Variants in METTL16 observed in about 807,000 individuals in gnomAD.
METTL16 encodes methyltransferase 16, RNA N6-adenosine, also known as RNA N(6)-adenosine-methyltransferase METTL16.
In METTL16, 19 loss-of-function variants were observed where a neutral mutation model predicts 57.9. The observed-to-expected ratio is 0.33, with a 90% CI of 0.23 to 0.48. METTL16 has a LOEUF of 0.48. Ranked by LOEUF, METTL16 falls within the 20% of genes least tolerant of loss-of-function variation. The pLI is 0.99. For synonymous variants in METTL16, 246 were observed against 255.6 expected, an observed-to-expected ratio of 0.96 and a Z score of 0.36; for missense variants, 434 against 691.5, an observed-to-expected ratio of 0.63 and a Z score of 4.18.
In METTL16 at chr17:2,420,724, C is replaced by T. The variant is rs758720124; in HGVS notation, c.1062+7G>A. 4.7e-5 allele frequency: 76 copies of T among 1,610,462 alleles called. No individual in the cohort carries two copies. The highest frequency in any genetic ancestry group is 6.2e-5 in the Non-Finnish European group (73 of 1,178,762). ...TGAGTACTTCGTCAATATGGTTAAGCAGGTACCTTCAAATCAGTGAGAATT... is the reference window on the plus strand; with the variant it reads ...TGAGTACTTCGTCAATATGGTTAAGTAGGTACCTTCAAATCAGTGAGAATT... On this transcript the variant is annotated splice_region_variant and intron_variant, in intron 9 of 9. Coordinates refer to ENST00000263092, the MANE Select transcript of METTL16 (RefSeq NM_024086.4). The surrounding 1 kb of genome is among the most constrained non-coding windows in gnomAD (Gnocchi z 5.4).
rs199805199 is a variant in METTL16 at position 2,430,117 on chromosome 17, C to CT, written c.888+7991dup. Among the ~76,000 whole-genome samples, 705 of 151,848 alleles carry CT rather than the reference C, an allele frequency of 4.6e-3. 5 individuals are homozygous for CT. The highest frequency in any genetic ancestry group is 0.016 in the African/African-American group (673 of 41,384). ...ACATGAGCCACCTGCCCACTTCCCA[C>CT]TTTTTTTCTTTTTAAGACAAAGTCT... On this transcript the variant is annotated intron_variant, in intron 8 of 9. Transcript: ENST00000263092.
intron 6 of METTL16, among the ~76,000 whole-genome samples, chr17:2,453,621 G>C (rs1228363541): frequency 6.6e-6 from 1 of 152,174 alleles, no homozygotes; most frequent in Non-Finnish European, 1.5e-5. Context: ...CTCTGTAACT[G>C]TAAGTAACCT....
At chr17:2,431,910 C>G (rs146612569) in intron 8 of METTL16, among the ~76,000 whole-genome samples, 90 of 151,988 alleles carry the variant, frequency 5.9e-4, no homozygotes, top group Middle Eastern at 6.8e-3. Flanking sequence ...GAAATAACAA[C>G]AAGCTATCTT....
intron 6 of METTL16, among the ~76,000 whole-genome samples, chr17:2,452,917 G>A (rs912577707): frequency 6.6e-6 from 1 of 152,040 alleles, no homozygotes; most frequent in Admixed American, 6.6e-5. Flanking sequence ...CTGGAGTGCA[G>A]TGGTGCAATC....
At chr17:2,428,576 TA>T (rs2066841495) in intron 8 of METTL16, among the ~76,000 whole-genome samples, 2 of 32,048 alleles carry the variant, frequency 6.2e-5, no homozygotes, top group Non-Finnish European at 9.7e-5. Flanking sequence ...TATATATATA[TA>T]TATATATATA....
At chr17:2,430,413 T>C (rs938912464) in intron 8 of METTL16, among the ~76,000 whole-genome samples, 2 of 76,596 alleles carry the variant, frequency 2.6e-5, no homozygotes, top group African/African-American at 1.3e-4. Context: ...TAGAATTCTC[T>C]TTTTTTTTTT....
intron 6 of METTL16, among the ~76,000 whole-genome samples, chr17:2,447,921 C>A (rs1432601181): frequency 3.5e-5 from 3 of 86,358 alleles, no homozygotes; most frequent in Admixed American, 3.1e-4. Flanking sequence ...GCCCCCCGCC[C>A]GGCCAGCCGC....
At chr17:2,502,167 A>T in intron 2 of METTL16, 37 bp downstream of exon 2, 5 of 1,602,300 alleles carry the variant, frequency 3.1e-6, no homozygotes, top group Non-Finnish European at 4.3e-6. Flanking sequence ...CATTTGAATC[A>T]CACAAGAATA....
At chr17:2,438,493 AG>A in intron 7 of METTL16, among the ~76,000 whole-genome samples, 1 of 152,182 alleles carries the variant, frequency 6.6e-6, no homozygotes, top group South Asian at 2.1e-4. Flanking sequence ...ATATGACTCA[AG>A]TGAGTTTTTT....
intron 5 of METTL16, among the ~76,000 whole-genome samples, chr17:2,465,069 A>C (rs1296949827): frequency 6.6e-6 from 1 of 152,188 alleles, no homozygotes; most frequent in South Asian, 2.1e-4. Flanking sequence ...CTTAATAATA[A>C]AAACAAAAAC....
At chr17:2,506,100 T>C (rs577773864) in intron 1 of METTL16, among the ~76,000 whole-genome samples, 50 of 151,958 alleles carry the variant, frequency 3.3e-4, no homozygotes, top group African/African-American at 1.1e-3. Flanking sequence ...CCTATGCAGG[T>C]TATTCTTTTT....
intron 5 of METTL16, among the ~76,000 whole-genome samples, chr17:2,466,127 A>T (rs1265786997): frequency 7.0e-6 from 1 of 142,598 alleles, no homozygotes; most frequent in East Asian, 2.4e-4. Context: ...TGGGAGGTGG[A>T]GGTTGCAGTG....
At chr17:2,432,613 G>A (rs1016700121) in intron 8 of METTL16, among the ~76,000 whole-genome samples, 10 of 151,916 alleles carry the variant, frequency 6.6e-5, no homozygotes, top group South Asian at 2.1e-4. Flanking sequence ...TATATCCGAC[G>A]CTCACGGTCA....
At position 2,418,035 on chromosome 17, in the gene METTL16, G is replaced by A. The variant is rs1315164641; in HGVS notation, c.*1935C>T. 1.3e-5 allele frequency: 2 copies of A among 152,116 alleles called. No homozygotes were observed. Among genetic ancestry groups the A allele is most frequent in the Non-Finnish European group, 2.9e-5 (2 of 68,030 alleles). 9.4% of individuals were successfully genotyped at this position (152,116 alleles called of 1,614,324 possible). A position where few individuals can be genotyped will look rare whatever the true frequency, so the allele number is the denominator to read the frequency against. ...AAATTTCTAGACCAGGGGAATCCAC[G>A]GTCCTGAATTGAGTCTTGGCTCTGT... On this transcript the variant is annotated 3_prime_UTR_variant, in exon 10 of 10. Coordinates refer to ENST00000263092, the MANE Select transcript of METTL16 (RefSeq NM_024086.4).
chr17:2,473,067 A>T (rs2151567597), intron 4 of METTL16, among the ~76,000 whole-genome samples: 1 of 152,242 alleles, frequency 6.6e-6, no homozygotes, highest in South Asian at 2.1e-4. Context: ...GGATGCTGAT[A>T]ATGGAGAAGG....
chr17:2,503,422 C>A (rs1216146944), intron 1 of METTL16, among the ~76,000 whole-genome samples: 1 of 151,768 alleles, frequency 6.6e-6, no homozygotes, highest in Non-Finnish European at 1.5e-5. Flanking sequence ...TACGGTATAT[C>A]CATACACTAA....
At chr17:2,490,758 T>A (rs939957215) in intron 2 of METTL16, among the ~76,000 whole-genome samples, 3 of 152,210 alleles carry the variant, frequency 2.0e-5, no homozygotes, top group African/African-American at 7.2e-5. Context: ...AGAGACATTT[T>A]GGGCAAGAGA....
In METTL16 at chr17:2,479,682, G is replaced by A. The variant is rs1354770590; in HGVS notation, c.129-1797C>T. Among the ~76,000 whole-genome samples the A allele has an allele frequency of 2.6e-5, 4 of 152,142 alleles. No individual in the cohort carries two copies. In the East Asian group the frequency reaches 7.7e-4, roughly 29 times the overall value. On this transcript the variant is annotated intron_variant, in intron 2 of 9. Coordinates refer to ENST00000263092, the MANE Select transcript of METTL16 (RefSeq NM_024086.4). ...AAATTCAATGTCCATCGGGATGCTTGAGTGCCAAGACAGAAGGAAGAGTGC... is the reference window on the plus strand; with the variant it reads ...AAATTCAATGTCCATCGGGATGCTTAAGTGCCAAGACAGAAGGAAGAGTGC...
chr17:2,435,799 TAGG>T (rs2066905013), intron 8 of METTL16, among the ~76,000 whole-genome samples: 1 of 109,916 alleles, frequency 9.1e-6, no homozygotes, highest in African/African-American at 3.7e-5. Context: ...AAGACTCTGG[TAGG>T]GGGGGAATCT....
Sources: gnomAD v4.1 joint callset for allele counts (sites outside exome capture counted in the v4.1 genomes callset) on GRCh38, gnomAD v4.1.1 for gene constraint, Gnocchi (gnomAD v3.1) non-coding constraint, MANE v1.5 for transcripts, NCBI Gene and HGNC (gene_info 2026-07-23, HGNC 2026-07-21) for gene names.